The following SUPV3L1 variants were observed in gnomAD, a reference collection of about 807,000 sequenced individuals.
SUPV3L1 encodes ATP-dependent RNA helicase SUPV3L1, mitochondrial.
A neutral mutation model predicts 70.0 loss-of-function variants in SUPV3L1; 35 were observed. That is an observed-to-expected ratio of 0.50 (90% CI 0.38 to 0.66). SUPV3L1 has a LOEUF of 0.66. Among genes scored for constraint, SUPV3L1 ranks in the 30% least tolerant of loss-of-function variants. The pLI is 0.00. For missense variants in SUPV3L1, 777 were observed against 961.5 expected (o/e 0.81, Z 2.54); for synonymous variants, 364 against 341.9 (o/e 1.06, Z -0.71).
At chr10:69,195,143 T>A (rs994416495) in intron 6 of SUPV3L1, 45 bp from the exon 7 acceptor site, 6 of 1,478,226 alleles carry the variant, frequency 4.1e-6, no homozygotes, top group Non-Finnish European at 5.6e-6. Flanking sequence ...TTTATAATAC[T>A]ATTTAAGTAG....
At chr10:69,193,988 C>T (rs2174669) in intron 6 of SUPV3L1, among the ~76,000 whole-genome samples, 2,562 of 152,288 alleles carry the variant, frequency 0.017, 61 homozygotes, top group African/African-American at 0.058. Flanking sequence ...CCTTCCACTT[C>T]ACTTTCTGCT....
rs748293430 is a variant in SUPV3L1, at chr10:69,186,486, T to C, written c.393T>C (p.Ile131=). Residue 131 remains isoleucine, a synonymous_variant, in exon 3 of 15, where the codon ATT becomes ATC. Transcript: ENST00000359655. ...CTTTCATAAGCTTTAGAAATTATAT[T>C]ATGCAGTCTCATTCCCTGGATGTGG... The part of the protein sequence containing the change: ...HQAFISFRNY[I]MQSHSLDVDI... The C allele has an allele frequency of 6.2e-7, 1 of 1,614,060 alleles. No homozygotes were observed. Among genetic ancestry groups the C allele is most frequent in the South Asian group, 1.1e-5 (1 of 91,058 alleles).
Position 69,195,571 on chromosome 10 carries a change from A to G in SUPV3L1, c.931+306A>G, listed in dbSNP as rs1340922974. On this transcript the variant is annotated intron_variant, in intron 7 of 14. Coordinates refer to ENST00000359655, the MANE Select transcript of SUPV3L1 (RefSeq NM_003171.5). ...AGTCTTTTCTTTTTTGTATGTGCAT[A>G]TGGTGTTTTGAGAACATTAGTTTTG... Among the ~76,000 whole-genome samples the G allele has an allele frequency of 2.0e-5, 3 of 152,230 alleles. No individual in the cohort carries two copies. In the East Asian group the frequency reaches 5.8e-4, roughly 29 times the overall value.
chr10:69,199,969 C>T (rs1842643442), intron 10 of SUPV3L1, among the ~76,000 whole-genome samples: 2 of 152,104 alleles, frequency 1.3e-5, no homozygotes, highest in Non-Finnish European at 2.9e-5. Context: ...CTCAGCCCCC[C>T]GAGTACTAGA....
At chr10:69,206,593 C>T (rs1438444445) in intron 13 of SUPV3L1, among the ~76,000 whole-genome samples, 1 of 152,196 alleles carries the variant, frequency 6.6e-6, no homozygotes, top group African/African-American at 2.4e-5. Flanking sequence ...TCTCACGTTA[C>T]CAGTGAGGAA....
chr10:69,187,589 A>G (rs1842266836), intron 3 of SUPV3L1, 53 bp from the exon 4 acceptor site: 5 of 1,296,510 alleles, frequency 3.9e-6, no homozygotes, highest in African/African-American at 1.5e-5. Flanking sequence ...CACTAAATTT[A>G]GTTACGAATT....
At chr10:69,196,856 G>A in intron 7 of SUPV3L1, 136 bp from the exon 8 acceptor site, 1 of 650,066 alleles carries the variant, frequency 1.5e-6, no homozygotes. Context: ...GTTTGCATCA[G>A]AGATAATATT....
In SUPV3L1 at chr10:69,200,292, A is replaced by C; in HGVS notation, c.1311A>C (p.Arg437Ser). ...ATTTCTGTTTCAGGAGCATAAGGAG[A>C]ATTATTTTTTACTCCCTTATAAAGC... ...IGMGLNLSIR[R>S]IIFYSLIKPS... Residue 437 changes from arginine to serine, a missense_variant, in exon 11 of 15, where the codon AGA (arginine) becomes AGC (serine). By Grantham distance (110) the Arg-to-Ser change is moderately radical. Coordinates refer to ENST00000359655, the MANE Select transcript of SUPV3L1 (RefSeq NM_003171.5). 1 of 1,613,144 alleles carries C rather than the reference A, an allele frequency of 6.2e-7. No homozygotes were observed. The highest frequency in any genetic ancestry group is 8.5e-7 in the Non-Finnish European group (1 of 1,179,562).
At position 69,184,127 on chromosome 10, in the gene SUPV3L1, G is replaced by T. The variant is rs553549574; in HGVS notation, c.272-1860G>T. Among the ~76,000 whole-genome samples, 30 of 152,188 alleles carry T rather than the reference G, an allele frequency of 2.0e-4. 1 individual carries two copies. In the South Asian group the frequency reaches 6.0e-3, roughly 30 times the overall value. On this transcript the variant is annotated intron_variant, in intron 1 of 14. Coordinates refer to ENST00000359655, the MANE Select transcript of SUPV3L1 (RefSeq NM_003171.5). ...GGTTAATTCTAAATAAATGTGATCT[G>T]TCTTTAGTTTGTATCGAGTTTATAG...
chr10:69,191,057 G>A (rs982803347), intron 5 of SUPV3L1, among the ~76,000 whole-genome samples: 2 of 152,140 alleles, frequency 1.3e-5, no homozygotes, highest in Admixed American at 6.6e-5. Context: ...TCATTTTAAT[G>A]AAGTCAAATA....
At chr10:69,199,639 T>C (rs957657253) in intron 10 of SUPV3L1, among the ~76,000 whole-genome samples, 60 of 151,912 alleles carry the variant, frequency 3.9e-4, no homozygotes, top group Non-Finnish European at 2.4e-4. Context: ...CACCTCAGCC[T>C]CCCAAAGTGC....
rs190520967 is a variant in SUPV3L1, at chr10:69,206,650, G to A, written c.1777-1143G>A. Among the ~76,000 whole-genome samples, 9 of 152,314 alleles carry A rather than the reference G, an allele frequency of 5.9e-5. No individual in the cohort carries two copies. The South Asian group carries it at 6.2e-4, about 11-fold the overall frequency. On this transcript the variant is annotated intron_variant, in intron 13 of 14. Coordinates refer to ENST00000359655, the MANE Select transcript of SUPV3L1 (RefSeq NM_003171.5). ...TTGGCCAAAGCCACACAGCTCGCAG[G>A]AGGCAGATCCAAGATTGACTTCTGA...
intron 11 of SUPV3L1, 133 bp downstream of exon 11, chr10:69,200,632 A>G: frequency 1.4e-6 from 1 of 711,830 alleles, no homozygotes; most frequent in Non-Finnish European, 2.2e-6. Flanking sequence ...GTGCCATGAA[A>G]ACTGCATTAA....
chr10:69,198,351 C>T, intron 8 of SUPV3L1, 21 bp from the exon 9 acceptor site: 1 of 1,561,942 alleles, frequency 6.4e-7, no homozygotes, highest in Non-Finnish European at 8.7e-7. Flanking sequence ...GTCATTTTGC[C>T]ATTTCATGTC....
intron 1 of SUPV3L1, among the ~76,000 whole-genome samples, chr10:69,183,717 T>C (rs1324543843): frequency 6.6e-6 from 1 of 152,090 alleles, no homozygotes; most frequent in Non-Finnish European, 1.5e-5. Flanking sequence ...TTAATTTACA[T>C]ACTAGAAAGC....
At chr10:69,208,268 C>T (rs7897048) in intron 14 of SUPV3L1, among the ~76,000 whole-genome samples, 6,299 of 152,314 alleles carry the variant, frequency 0.041, 463 homozygotes, top group African/African-American at 0.14. Context: ...CTGACTTGAT[C>T]AGATTCTGCA....
chr10:69,192,149 C>T (rs1239736494), intron 6 of SUPV3L1: 1 of 153,404 alleles, frequency 6.5e-6, no homozygotes, highest in Non-Finnish European at 1.5e-5. Flanking sequence ...ATGTGAAATA[C>T]GATTTTTTTG....
rs1332619159 is a variant in SUPV3L1, at chr10:69,200,493, T to C, written c.1512T>C (p.Pro504=). 2 of 1,610,784 alleles carry C rather than the reference T, an allele frequency of 1.2e-6. No homozygotes were observed. Among genetic ancestry groups the C allele is most frequent in the Non-Finnish European group, 8.5e-7 (1 of 1,177,152 alleles). The change falls in exon 11 of 15, where the codon CCT becomes CCC. Residue 504 remains proline, a synonymous_variant. Coordinates refer to ENST00000359655, the MANE Select transcript of SUPV3L1 (RefSeq NM_003171.5). Reference sequence around the variant, plus strand: ...AAATTTTGAAGAGGCCTGTGGATCCTATAAGGGTAAGAGGTAACATGTTAA... The same window carrying C: ...AAATTTTGAAGAGGCCTGTGGATCCCATAAGGGTAAGAGGTAACATGTTAA... ...LKEILKRPVD[P]IRAAGLHPTA... is the part of the protein sequence containing the mutation.
intron 1 of SUPV3L1, 79 bp downstream of exon 1, chr10:69,180,641 T>C: frequency 6.5e-7 from 1 of 1,529,748 alleles, no homozygotes; most frequent in Non-Finnish European, 8.9e-7. Flanking sequence ...CTACATCCCC[T>C]TCCCCTGGGG....
Sources: gnomAD v4.1 joint callset for allele counts (sites outside exome capture counted in the v4.1 genomes callset) on GRCh38, gnomAD v4.1.1 for gene constraint, MANE v1.5 for transcripts, NCBI Gene and HGNC (gene_info 2026-07-23, HGNC 2026-07-21) for gene names.